The following TNIK variants were observed in gnomAD, a reference collection of about 807,000 sequenced individuals.
TNIK encodes the protein TRAF2 and NCK interacting kinase.
In TNIK, 49 loss-of-function variants were observed where a neutral mutation model predicts 191.3. The ratio of observed to expected loss-of-function variants is 0.26; its 90% CI spans 0.20 to 0.32. The LOEUF is 0.32. Ranked by LOEUF, TNIK falls within the 10% of genes least tolerant of loss-of-function variation. TNIK has a pLI of 1.00. For synonymous variants in TNIK, 594 were observed against 600.9 expected (o/e 0.99, Z 0.17); for missense variants, 1,155 against 1,702.3 (o/e 0.68, Z 5.66).
intron 4 of TNIK, among the ~76,000 whole-genome samples, chr3:171,196,977 G>A (rs905447517): frequency 1.3e-5 from 2 of 152,114 alleles, no homozygotes; most frequent in Admixed American, 6.5e-5. Context: ...GGATGGTCTC[G>A]ATCTCCTGAC....
chr3:171,402,408 A>G (rs1721063246), intron 1 of TNIK, among the ~76,000 whole-genome samples: 1 of 152,262 alleles, frequency 6.6e-6, no homozygotes, highest in Non-Finnish European at 1.5e-5. Context: ...TCCAATGCAC[A>G]GGCAAAGAGG....
chr3:171,087,761 G>A (rs192607923), intron 23 of TNIK, among the ~76,000 whole-genome samples: 33 of 152,362 alleles, frequency 2.2e-4, no homozygotes, highest in African/African-American at 7.5e-4. Flanking sequence ...TGGCATGGGA[G>A]TCCCATGTAC....
At chr3:171,204,579 A>G (rs935997071) in intron 4 of TNIK, among the ~76,000 whole-genome samples, 2 of 152,230 alleles carry the variant, frequency 1.3e-5, no homozygotes, top group African/African-American at 2.4e-5. Flanking sequence ...TGAAGAGTCA[A>G]CTATCTATGA....
At chr3:171,307,960 A>T (rs138880581) in intron 2 of TNIK, among the ~76,000 whole-genome samples, 5 of 152,222 alleles carry the variant, frequency 3.3e-5, no homozygotes, top group African/African-American at 1.2e-4. Context: ...TGAAAAATCT[A>T]TCACTGGAAG....
chr3:171,398,293 C>T (rs941335590), intron 1 of TNIK, among the ~76,000 whole-genome samples: 1 of 152,128 alleles, frequency 6.6e-6, no homozygotes, highest in Non-Finnish European at 1.5e-5. Context: ...ATATTTTCCC[C>T]AAAGAGGTGT....
chr3:171,152,930 C>G (rs1229643019), intron 12 of TNIK, among the ~76,000 whole-genome samples: 3 of 151,856 alleles, frequency 2.0e-5, no homozygotes, highest in Non-Finnish European at 4.4e-5. Flanking sequence ...TGCCACCACA[C>G]CCGGCTATTT....
chr3:171,264,920 G>C (rs935804326), intron 2 of TNIK, among the ~76,000 whole-genome samples: 1 of 152,200 alleles, frequency 6.6e-6, no homozygotes, highest in Admixed American at 6.5e-5. Context: ...CCATGAGAGA[G>C]GTAGTGGGTG....
chr3:171,308,353 G>A (rs1753682791), intron 2 of TNIK, among the ~76,000 whole-genome samples: 1 of 152,104 alleles, frequency 6.6e-6, no homozygotes, highest in Admixed American at 6.6e-5. Context: ...AAATGGTGCT[G>A]AGATAACTGG....
rs545996318 is a variant in TNIK at position 171,407,186 on chromosome 3, C to T, written c.58-37501G>A. ...AGGAGCTGATGAGCTAAAGAAATGG[C>T]GGAAGGAAGTAGAAGAGAACTGGGG... On this transcript the variant is annotated intron_variant, in intron 1 of 32. Coordinates refer to ENST00000436636, the MANE Select transcript of TNIK (RefSeq NM_015028.4). Among the ~76,000 whole-genome samples, 69 of 152,070 alleles carry T rather than the reference C, an allele frequency of 4.5e-4. 1 individual carries two copies. The highest frequency in any genetic ancestry group is 1.9e-3 in the South Asian group (9 of 4,802).
At chr3:171,317,498 G>A (rs545022430) in intron 2 of TNIK, among the ~76,000 whole-genome samples, 1 of 152,222 alleles carries the variant, frequency 6.6e-6, no homozygotes, top group South Asian at 2.1e-4. Flanking sequence ...ACTATTCTTA[G>A]GAAGAAGTAT....
At chr3:171,354,924 G>A (rs576768871) in intron 2 of TNIK, among the ~76,000 whole-genome samples, 24 of 152,250 alleles carry the variant, frequency 1.6e-4, no homozygotes, top group African/African-American at 4.6e-4. Context: ...CTCAAAGAGC[G>A]TTCTGTTTTC....
In TNIK at chr3:171,275,976, G is replaced by A. The variant is rs1577325730; in HGVS notation, c.124-47755C>T. ...AAACTGGCCCTCTACAAAGGAATAG[G>A]AATTAGAATGGTATTAGACTTTTCA... On this transcript the variant is annotated intron_variant, in intron 2 of 32. Coordinates refer to ENST00000436636, the MANE Select transcript of TNIK (RefSeq NM_015028.4). Among the ~76,000 whole-genome samples the A allele has an allele frequency of 1.3e-5, 2 of 151,802 alleles. 1 individual carries two copies.
intron 2 of TNIK, among the ~76,000 whole-genome samples, chr3:171,272,534 C>A (rs1241950643): frequency 1.3e-5 from 2 of 152,068 alleles, no homozygotes; most frequent in African/African-American, 4.8e-5. Context: ...TTTCTCATTT[C>A]TTTTGTTTTT....
chr3:171,254,623 A>C (rs1746624126), intron 2 of TNIK, among the ~76,000 whole-genome samples: 1 of 152,170 alleles, frequency 6.6e-6, no homozygotes, highest in African/African-American at 2.4e-5. Context: ...ATCATTACTG[A>C]TCCAATTTCC....
chr3:171,443,398 T>C (rs1026657267), intron 1 of TNIK, among the ~76,000 whole-genome samples: 1 of 152,184 alleles, frequency 6.6e-6, no homozygotes, highest in African/African-American at 2.4e-5. Context: ...AAAAAGCCAT[T>C]TCAAATTTGT....
At chr3:171,323,585 A>G (rs574335744) in intron 2 of TNIK, among the ~76,000 whole-genome samples, 26 of 152,264 alleles carry the variant, frequency 1.7e-4, no homozygotes, top group African/African-American at 6.0e-4. Context: ...CTCCCACCCC[A>G]ATATGTTCAT....
chr3:171,276,649 A>G (rs1749784822), intron 2 of TNIK, among the ~76,000 whole-genome samples: 1 of 152,230 alleles, frequency 6.6e-6, no homozygotes, highest in Non-Finnish European at 1.5e-5. Context: ...TGTACTTACA[A>G]AATAAAATGA....
At chr3:171,138,878 C>T (rs1329596406) in intron 14 of TNIK, among the ~76,000 whole-genome samples, 1 of 152,108 alleles carries the variant, frequency 6.6e-6, no homozygotes, top group Non-Finnish European at 1.5e-5. Flanking sequence ...GGCTAAAAAA[C>T]ATCAGAATGC....
At chr3:171,414,115 C>A (rs1028801964) in intron 1 of TNIK, among the ~76,000 whole-genome samples, 3 of 152,200 alleles carry the variant, frequency 2.0e-5, no homozygotes, top group African/African-American at 7.2e-5. Context: ...CTAACTTAGA[C>A]GTACCAATCC....
Sources: gnomAD v4.1 joint callset for allele counts (sites outside exome capture counted in the v4.1 genomes callset) on GRCh38, gnomAD v4.1.1 for gene constraint, MANE v1.5 for transcripts, NCBI Gene and HGNC (gene_info 2026-07-23, HGNC 2026-07-21) for gene names.